SIGLEC11: variants seen among roughly 807,000 people sequenced by gnomAD.
The protein encoded by SIGLEC11 is sialic acid binding Ig like lectin 11, also known as sialic acid-binding Ig-like lectin 11.
In SIGLEC11, 47 loss-of-function variants were observed where a neutral mutation model predicts 61.2. The observed-to-expected ratio is 0.77, with a 90% CI of 0.61 to 0.98. SIGLEC11 has a LOEUF of 0.98. Ranked by LOEUF, SIGLEC11 falls within the 50% of genes least tolerant of loss-of-function variation. SIGLEC11 has a pLI of 0.00. For synonymous variants in SIGLEC11, 278 were observed against 373.1 expected, an observed-to-expected ratio of 0.75 and a Z score of 2.94; for missense variants, 610 against 870.3, an observed-to-expected ratio of 0.70 and a Z score of 3.76.
Position 49,953,565 on chromosome 19 carries a change from A to G in SIGLEC11, c.1652-1171T>C, listed in dbSNP as rs1233013686. Among the ~76,000 whole-genome samples, 8 of 152,208 alleles carry G rather than the reference A, an allele frequency of 5.3e-5. No homozygotes were observed. The East Asian group carries it at 1.5e-3, about 29-fold the overall frequency. On this transcript the variant is annotated intron_variant, in intron 8 of 10. Transcript: ENST00000447370. ...AACAGTGTGTAAATGAAGAAGCCTT[A>G]TTAGGCTGATCAGCCACAAAATGGG...
intron 9 of SIGLEC11, 34 bp from the exon 10 acceptor site, chr19:49,952,006 G>A: frequency 6.3e-7 from 1 of 1,583,018 alleles, no homozygotes. Context: ...CAGCCTCCAG[G>A]CTGGTCCAGA....
chr19:49,960,352 C>T lies in SIGLEC11; in HGVS notation c.530G>A (p.Cys177Tyr), dbSNP rs1461528205. 4.0e-5 allele frequency: 64 copies of T among 1,600,130 alleles called. No individual in the cohort carries two copies. The highest frequency in any genetic ancestry group is 5.2e-5 in the Non-Finnish European group (61 of 1,178,058). ...TTTCTTGAAAGCCCAGTTAAACACA[C>T]AGATGACCGTCACCGGCTGCCCGGG... ...LEPGQPVTVICVFNWAFKKCP... is the reference protein window; with the variant it reads ...LEPGQPVTVIYVFNWAFKKCP... The change falls in exon 3 of 11, where the codon TGT becomes TAT. Residue 177 changes from cysteine to tyrosine, a missense_variant. Transcript: ENST00000447370.
intron 8 of SIGLEC11, among the ~76,000 whole-genome samples, chr19:49,954,828 C>T (rs990830928): frequency 1.3e-5 from 2 of 152,154 alleles, no homozygotes; most frequent in African/African-American, 4.8e-5. Context: ...GGTCAGTTCT[C>T]ATACCAAGAT....
At position 49,951,347 on chromosome 19, in the gene SIGLEC11, G is replaced by A. The variant is rs2076156842; in HGVS notation, c.1830+544C>T. Among the ~76,000 whole-genome samples the A allele has an allele frequency of 6.6e-6, 1 of 152,180 alleles. No homozygotes were observed. The highest frequency in any genetic ancestry group is 1.5e-5 in the Non-Finnish European group (1 of 68,028). ...GTTTGGTATCTCCTGGACCTGCCCT[G>A]AGCACCTCTTCCTGTCCATGATTTT... is the stretch of plus-strand genomic sequence containing the variant. On this transcript the variant is annotated intron_variant, in intron 10 of 10. Transcript: ENST00000447370. This position sits in a 1 kb window ranked among gnomAD's most constrained non-coding sequence, Gnocchi z 4.6.
At chr19:49,957,546 C>A (rs1020082444) in intron 8 of SIGLEC11, among the ~76,000 whole-genome samples, 11 of 151,800 alleles carry the variant, frequency 7.2e-5, no homozygotes, top group Non-Finnish European at 1.5e-4. Context: ...AAGACAAATT[C>A]TTTTACTGTT....
rs958342799 is a variant in SIGLEC11, at chr19:49,955,199, C to T, written c.1652-2805G>A. Among the ~76,000 whole-genome samples the T allele has an allele frequency of 4.0e-5, 6 of 150,366 alleles. No individual in the cohort carries two copies. The highest frequency in any genetic ancestry group is 9.8e-5 in the African/African-American group (4 of 40,810). ...GACCAGAGAACAAAACGGGAAAGAG[C>T]GAAAGCAACAAGCGAGGCACCAAGC... On this transcript the variant is annotated intron_variant, in intron 8 of 10. Transcript: ENST00000447370. The surrounding 1 kb of genome is among the most constrained non-coding windows in gnomAD (Gnocchi z 4.5).
intron 9 of SIGLEC11, 109 bp from the exon 10 acceptor site, chr19:49,952,081 G>T: frequency 8.4e-7 from 1 of 1,185,996 alleles, no homozygotes; most frequent in Non-Finnish European, 1.2e-6. Context: ...CCAGTGGGGT[G>T]GGGACATATC....
intron 8 of SIGLEC11, among the ~76,000 whole-genome samples, chr19:49,957,147 A>T (rs1223659509): frequency 6.6e-6 from 1 of 152,332 alleles, no homozygotes; most frequent in African/African-American, 2.4e-5. Flanking sequence ...TGTTGGAAGC[A>T]TTCAATCAAC....
Position 49,960,681 on chromosome 19 carries a change from T to G in SIGLEC11, c.331A>C (p.Lys111Gln), listed in dbSNP as rs779179970. ...CTGATCACCAAGGAGCAGCTCCCTT[T>G]GCCGGGATCCCCAGTGAGCTGGAAT... The part of the protein sequence containing the change: ...DRFQLTGDPG[K>Q]GSCSLVIRDA... Residue 111 changes from lysine to glutamine, a missense_variant, in exon 2 of 11, where the codon AAA becomes CAA. By Grantham distance (53) the Lys-to-Gln change is moderately conservative. Transcript: ENST00000447370. 1.2e-6 allele frequency: 2 copies of G among 1,610,304 alleles called. No individual in the cohort carries two copies. Among genetic ancestry groups the G allele is most frequent in the South Asian group, 2.2e-5 (2 of 91,018 alleles).
intron 8 of SIGLEC11, among the ~76,000 whole-genome samples, chr19:49,954,626 G>A (rs1325914075): frequency 2.0e-5 from 3 of 152,106 alleles, no homozygotes; most frequent in African/African-American, 7.2e-5. Flanking sequence ...CTCCTACATG[G>A]AGAAGCCTCA....
chr19:49,958,667 C>G lies in SIGLEC11; in HGVS notation c.1339G>C (p.Val447Leu). 6.2e-7 allele frequency: 1 copy of G among 1,603,740 alleles called. No individual in the cohort carries two copies. The highest frequency in any genetic ancestry group is 8.5e-7 in the Non-Finnish European group (1 of 1,174,874). Residue 447 changes from valine to leucine, a missense_variant, in exon 7 of 11, where the codon GTC becomes CTC. By Grantham distance (32) the Val-to-Leu change is conservative. Coordinates refer to ENST00000447370, the MANE Select transcript of SIGLEC11 (RefSeq NM_052884.3). ...HAQHPLGSQHVSLSLSVHYPP... is the reference protein window; with the variant it reads ...HAQHPLGSQHLSLSLSVHYPP... ...CAGTGCACGGAGAGGCTGAGAGAGA[C>G]GTGCTGGGAGCCCAGAGGGTGCTGA...
chr19:49,950,340 C>T (rs919694044), intron 10 of SIGLEC11, 104 bp from the exon 11 acceptor site: 1 of 1,239,950 alleles, frequency 8.1e-7, no homozygotes, highest in Admixed American at 3.2e-5. Context: ...CCTGTTTCAC[C>T]TACTCATTCC....
In SIGLEC11 at chr19:49,950,081, G is replaced by A; in HGVS notation, c.1986C>T (p.Ala662=). The A allele has an allele frequency of 1.2e-6, 2 of 1,610,030 alleles. No individual in the cohort carries two copies. Among genetic ancestry groups the A allele is most frequent in the Non-Finnish European group, 1.7e-6 (2 of 1,177,692 alleles). Residue 662 remains alanine, a synonymous_variant, in exon 11 of 11, where the codon GCC becomes GCT. Coordinates refer to ENST00000447370, the MANE Select transcript of SIGLEC11 (RefSeq NM_052884.3). ...LRLWEPADQE[A]PSTTEYSEIK... is the part of the protein sequence containing the mutation. ...TCTCCGAGTACTCGGTGGTGCTGGG[G>A]GCCTCCTGGTCCGCAGGCTCCCAGA...
At chr19:49,956,540 A>G (rs2076197597) in intron 8 of SIGLEC11, among the ~76,000 whole-genome samples, 1 of 152,176 alleles carries the variant, frequency 6.6e-6, no homozygotes, top group South Asian at 2.1e-4. Context: ...CTTTCTTCCT[A>G]TTCCCACTGC....
chr19:49,950,181 G>A lies in SIGLEC11; in HGVS notation c.1886C>T (p.Ala629Val), dbSNP rs1600604360. Residue 629 changes from alanine to valine, a missense_variant, in exon 11 of 11, where the codon GCA becomes GTA. By Grantham distance (64) the Ala-to-Val change is moderately conservative. This residue lies in a region of SIGLEC11 where 432 missense variants were observed against 441.5 expected (regional missense o/e 0.98). Transcript: ENST00000447370. ...CCCCTTCCCCGGGGTGTAGGTGGCT[G>A]CACCTGGGGGCGGGTGGTCTTGGGA... ...GSSQDHPPPG[A>V]ATYTPGKGEE... 6.2e-7 allele frequency: 1 copy of A among 1,606,660 alleles called. No homozygotes were observed. Among genetic ancestry groups the A allele is most frequent in the Non-Finnish European group, 8.5e-7 (1 of 1,177,942 alleles).
At position 49,960,775 on chromosome 19, in the gene SIGLEC11, G is replaced by A. The variant is rs1359507153; in HGVS notation, c.237C>T (p.Ser79=). Residue 79 remains serine (S), a synonymous_variant, in exon 2 of 11, where the codon AGC becomes AGT. Coordinates refer to ENST00000447370, the MANE Select transcript of SIGLEC11 (RefSeq NM_052884.3). The stretch of plus-strand genomic sequence containing the variant: ...TGGCCACAGGAGCACCCGTCTTTGG[G>A]CTGGTCCGTCCTTTGAACCAGTAGC... The part of the protein sequence containing the change: ...AYGYWFKGRT[S]PKTGAPVATN... 6.2e-7 allele frequency: 1 copy of A among 1,613,728 alleles called. No homozygotes were observed. The highest frequency in any genetic ancestry group is 2.2e-5 in the East Asian group (1 of 44,892).
chr19:49,958,367 C>T lies in SIGLEC11; in HGVS notation c.1567G>A (p.Gly523Arg), dbSNP rs1305457907. 12 of 1,614,120 alleles carry T rather than the reference C, an allele frequency of 7.4e-6. No homozygotes were observed. Among genetic ancestry groups the T allele is most frequent in the Non-Finnish European group, 1.0e-5 (12 of 1,180,052 alleles). ...WANSSLSLHG[G>R]LSSGLRLRCK... ...CGGAGCCTGAGGCCGGAGCTGAGCCCTCCATGGAGGCTCAGGGAGCTGTTG... is the reference window on the plus strand; with the variant it reads ...CGGAGCCTGAGGCCGGAGCTGAGCCTTCCATGGAGGCTCAGGGAGCTGTTG... Residue 523 changes from glycine (G) to arginine (R), a missense_variant, in exon 8 of 11, where the codon GGG (glycine) becomes AGG (arginine). Gly to Arg is a moderately radical substitution (Grantham distance 125). Coordinates refer to ENST00000447370, the MANE Select transcript of SIGLEC11 (RefSeq NM_052884.3).
In SIGLEC11 at chr19:49,958,269, C is replaced by G. The variant is rs747311620; in HGVS notation, c.1651+14G>C. 5.0e-6 allele frequency: 8 copies of G among 1,612,664 alleles called. No homozygotes were observed. In the Admixed American group the frequency reaches 6.7e-5, roughly 14 times the overall value. Reference sequence around the variant, plus strand: ...CCTTTCTCCCTGAACCTCAGCCCCCCACAGTCCCCTCACCTGGTAGCAGCT... The same window carrying G: ...CCTTTCTCCCTGAACCTCAGCCCCCGACAGTCCCCTCACCTGGTAGCAGCT... On this transcript the variant is annotated intron_variant, in intron 8 of 10. Transcript: ENST00000447370.
In SIGLEC11 at chr19:49,958,572, T is replaced by G. The variant is rs150740722; in HGVS notation, c.1364-2A>C. 1.5e-4 allele frequency: 234 copies of G among 1,570,054 alleles called. 2 individuals carry two copies. The highest frequency in any genetic ancestry group is 6.4e-4 in the South Asian group (54 of 83,882). Reference sequence around the variant, plus strand: ...AGGGGCCCAGCAGCTGTGGAGGGTCTGTGGGGAGGGAGGACAGGACTCAGC... The same window carrying G: ...AGGGGCCCAGCAGCTGTGGAGGGTCGGTGGGGAGGGAGGACAGGACTCAGC... On this transcript the variant is annotated splice_acceptor_variant, in intron 7 of 10. Coordinates refer to ENST00000447370, the MANE Select transcript of SIGLEC11 (RefSeq NM_052884.3). LOFTEE classifies it high-confidence loss of function.
Sources: allele counts gnomAD v4.1 joint callset (sites outside exome capture counted in the v4.1 genomes callset), GRCh38; gene constraint gnomAD v4.1.1; regional missense constraint gnomAD v4.1.1; non-coding constraint Gnocchi (gnomAD v3.1); transcripts MANE v1.5; gene names NCBI Gene and HGNC (gene_info 2026-07-23, HGNC 2026-07-21).